Variants in EDN1 observed in about 807,000 individuals in gnomAD.
EDN1 encodes endothelin-1.
In EDN1, 11 loss-of-function variants were observed where a neutral mutation model predicts 21.7. The observed-to-expected ratio is 0.51, with a 90% CI of 0.32 to 0.84. The LOEUF (loss-of-function observed/expected upper bound fraction) is 0.84. Among genes scored for constraint, EDN1 ranks in the 40% least tolerant of loss-of-function variants. The pLI is 0.03. For synonymous variants in EDN1, 85 were observed against 90.6 expected (o/e 0.94, Z 0.35); for missense variants, 244 against 262.3 (o/e 0.93, Z 0.48).
At chr6:12,260,899 A>T in the EDN1 span, among the ~76,000 whole-genome samples, 8 of 152,182 alleles carry the variant, frequency 5.3e-5, no homozygotes. Flanking sequence ...GAAAAGAGGG[A>T]GTGGTGAGAC....
At chr6:12,256,230 AC>A in the EDN1 span, among the ~76,000 whole-genome samples, 1 of 152,156 alleles carries the variant, frequency 6.6e-6, no homozygotes, top group Admixed American at 6.5e-5. Context: ...GTGCACGTCT[AC>A]AGTCCCAGCT....
the EDN1 span, among the ~76,000 whole-genome samples, chr6:12,262,067 A>G: frequency 6.6e-6 from 1 of 152,198 alleles, no homozygotes; most frequent in South Asian, 2.1e-4. Context: ...ATACCTCCAC[A>G]AACTATTGTT....
chr6:12,244,024 A>AT, the EDN1 span, among the ~76,000 whole-genome samples: 1 of 152,192 alleles, frequency 6.6e-6, no homozygotes, highest in Non-Finnish European at 1.5e-5. Context: ...ATTCTGATAG[A>AT]TTTTGTTCTC....
chr6:12,292,522 A>G lies in EDN1; in HGVS notation c.233+13A>G. 1.2e-6 allele frequency: 2 copies of G among 1,614,176 alleles called. No individual in the cohort carries two copies. The highest frequency in any genetic ancestry group is 1.1e-5 in the South Asian group (1 of 91,086). The stretch of plus-strand genomic sequence containing the variant: ...TCAACACTCCCGAGTAAGTCTCTAG[A>G]GGGCATTGTAACCCTAGTCATTCAT... On this transcript the variant is annotated intron_variant, in intron 2 of 4. Transcript: ENST00000379375.
In EDN1 at chr6:12,290,712, T is replaced by C. The variant is rs1762654913; in HGVS notation, c.64+19T>C. On this transcript the variant is annotated intron_variant, in intron 1 of 4. Transcript: ENST00000379375. ...GAAACAGGTAGGCACGCTCGTTGAC[T>C]TGTAAGTCTCGGAATTACAAGTTAG... The C allele has an allele frequency of 6.2e-7, 1 of 1,607,920 alleles. No individual in the cohort carries two copies. Among genetic ancestry groups the C allele is most frequent in the South Asian group, 1.1e-5 (1 of 90,976 alleles).
chr6:12,293,916 G>A (rs1217525519), intron 2 of EDN1, 25 bp from the exon 3 acceptor site: 1 of 1,613,380 alleles, frequency 6.2e-7, no homozygotes, highest in African/African-American at 1.3e-5. Context: ...CACTAATATA[G>A]TTTCTTTCTC....
the EDN1 span, among the ~76,000 whole-genome samples, chr6:12,276,730 A>G: frequency 1.3e-5 from 2 of 152,218 alleles, no homozygotes; most frequent in African/African-American, 2.4e-5. Context: ...GGCAGAGGGA[A>G]AAACATGCCA....
chr6:12,279,813 A>C, the EDN1 span, among the ~76,000 whole-genome samples: 1 of 152,096 alleles, frequency 6.6e-6, no homozygotes, highest in Admixed American at 6.5e-5. Flanking sequence ...CATGAAGGCA[A>C]ACAGATACTA....
At chr6:12,280,971 G>A in the EDN1 span, among the ~76,000 whole-genome samples, 1 of 152,134 alleles carries the variant, frequency 6.6e-6, no homozygotes, top group South Asian at 2.1e-4. Flanking sequence ...AAGTAAAAAT[G>A]CCTTTTTTCT....
chr6:12,232,516 T>C, the EDN1 span, among the ~76,000 whole-genome samples: 3 of 152,256 alleles, frequency 2.0e-5, no homozygotes, highest in South Asian at 6.2e-4. Context: ...CAGTAACTTG[T>C]GGAATGTAGC....
chr6:12,263,308 G>A, the EDN1 span, among the ~76,000 whole-genome samples: 1 of 152,140 alleles, frequency 6.6e-6, no homozygotes, highest in Non-Finnish European at 1.5e-5. Flanking sequence ...GGTAAATATA[G>A]GGAACACTGT....
At chr6:12,282,412 A>G in the EDN1 span, among the ~76,000 whole-genome samples, 4 of 152,230 alleles carry the variant, frequency 2.6e-5, no homozygotes, top group African/African-American at 7.2e-5. Context: ...TAAACAAGCT[A>G]CTTTCCAGTT....
the EDN1 span, among the ~76,000 whole-genome samples, chr6:12,269,387 G>A: frequency 6.8e-6 from 1 of 146,596 alleles, no homozygotes; most frequent in Non-Finnish European, 1.5e-5. Context: ...GCCGAAAGTG[G>A]GCATCTTTGT....
At chr6:12,233,610 G>A in the EDN1 span, among the ~76,000 whole-genome samples, 6 of 152,072 alleles carry the variant, frequency 3.9e-5, no homozygotes, top group East Asian at 1.9e-4. Flanking sequence ...AGAGCCGACC[G>A]CATGGGCAAG....
chr6:12,295,440 C>T (rs1762798728), intron 4 of EDN1, among the ~76,000 whole-genome samples: 1 of 151,916 alleles, frequency 6.6e-6, no homozygotes, highest in South Asian at 2.1e-4. Flanking sequence ...ATCAACATTA[C>T]AGTTCTTCCC....
chr6:12,290,233 G>A (rs552081005), upstream of EDN1: 5 of 229,742 alleles, frequency 2.2e-5, no homozygotes, highest in East Asian at 4.3e-4. Context: ...CCTTATCTCC[G>A]GCTGCACGTT....
At chr6:12,253,185 G>A in the EDN1 span, among the ~76,000 whole-genome samples, 1,712 of 152,262 alleles carry the variant, frequency 0.011, 25 homozygotes, top group African/African-American at 0.039. Context: ...GTTAGAAACA[G>A]ACTCCCAATG....
the EDN1 span, among the ~76,000 whole-genome samples, chr6:12,266,359 G>A: frequency 6.6e-6 from 1 of 152,138 alleles, no homozygotes; most frequent in Admixed American, 6.6e-5. Flanking sequence ...TGGGCAAAAA[G>A]AGTTTGAGAT....
chr6:12,238,744 C>A, the EDN1 span, among the ~76,000 whole-genome samples: 1 of 152,142 alleles, frequency 6.6e-6, no homozygotes, highest in African/African-American at 2.4e-5. Flanking sequence ...AAATCAAAAT[C>A]AAAGAGGAAA....
Sources: gnomAD v4.1 joint callset for allele counts (sites outside exome capture counted in the v4.1 genomes callset) on GRCh38, gnomAD v4.1.1 for gene constraint, MANE v1.5 for transcripts, NCBI Gene and HGNC (gene_info 2026-07-23, HGNC 2026-07-21) for gene names.